Variants in DCPH1 observed in about 807,000 individuals in gnomAD.
The protein encoded by DCPH1 is damage-control phosphatase 1.
the DCPH1 span, chr6:151,454,636 T>A: frequency 6.5e-7 from 1 of 1,541,572 alleles, no homozygotes; most frequent in Non-Finnish European, 8.9e-7. Context: ...AAGTGAATTT[T>A]TTGAGAAACA....
chr6:151,461,462 G>A, the DCPH1 span, among the ~76,000 whole-genome samples: 1 of 152,328 alleles, frequency 6.6e-6, no homozygotes, highest in Admixed American at 6.5e-5. Flanking sequence ...CCCGAGGTCA[G>A]GAGTGTGAGA....
At chr6:151,464,672 T>C in the DCPH1 span, 1 of 1,153,102 alleles carries the variant, frequency 8.7e-7, no homozygotes, top group Non-Finnish European at 1.2e-6. Context: ...GAAAATAAAC[T>C]GCTATACAGT....
the DCPH1 span, among the ~76,000 whole-genome samples, chr6:151,453,202 G>A: frequency 1.3e-5 from 2 of 152,216 alleles, 1 homozygote; most frequent in South Asian, 4.1e-4. Flanking sequence ...GCCCCAAATT[G>A]AGGCAGTCAC....
chr6:151,465,497 A>G, the DCPH1 span, among the ~76,000 whole-genome samples: 137 of 152,244 alleles, frequency 9.0e-4, 1 homozygote, highest in Non-Finnish European at 1.4e-3. Context: ...TGCGGAGTAC[A>G]TGGAGAGGTG....
chr6:151,456,384 G>T, the DCPH1 span, among the ~76,000 whole-genome samples: 11 of 152,166 alleles, frequency 7.2e-5, no homozygotes, highest in Non-Finnish European at 1.2e-4. Flanking sequence ...TGAGTGTAAT[G>T]TTCTACTTCT....
the DCPH1 span, chr6:151,452,801 G>T: frequency 2.0e-4 from 110 of 547,680 alleles, 1 homozygote; most frequent in African/African-American, 1.9e-3. Context: ...GCGGCTGCTC[G>T]TAAGGATCAG....
chr6:151,469,253 T>G, the DCPH1 span: 8 of 597,424 alleles, frequency 1.3e-5, 1 homozygote, highest in Non-Finnish European at 2.2e-5. Flanking sequence ...CTACGTGCAC[T>G]GGATGATTTT....
At chr6:151,454,707 T>G in the DCPH1 span, 1 of 860,574 alleles carries the variant, frequency 1.2e-6, no homozygotes, top group Non-Finnish European at 1.9e-6. Context: ...AGAAACATAA[T>G]AAATAGTTCT....
At chr6:151,454,529 G>C in the DCPH1 span, 2 of 1,157,314 alleles carry the variant, frequency 1.7e-6, no homozygotes, top group Non-Finnish European at 2.6e-6. Context: ...GTTATATATT[G>C]CATGTGACTC....
the DCPH1 span, chr6:151,464,553 T>C: frequency 6.2e-7 from 1 of 1,612,342 alleles, no homozygotes; most frequent in East Asian, 2.2e-5. Context: ...CCTGCAACAA[T>C]TGATAAGAAC....
At chr6:151,464,853 T>C in the DCPH1 span, among the ~76,000 whole-genome samples, 1 of 152,248 alleles carries the variant, frequency 6.6e-6, no homozygotes, top group Non-Finnish European at 1.5e-5. Context: ...GCTTCTGTCA[T>C]ACTTGAGAGA....
chr6:151,469,095 C>T, the DCPH1 span: 39 of 1,609,422 alleles, frequency 2.4e-5, no homozygotes, highest in East Asian at 4.5e-5. Context: ...TATTTCAGTA[C>T]GATGGTCCCC....
chr6:151,465,681 G>A, the DCPH1 span, among the ~76,000 whole-genome samples: 3 of 152,160 alleles, frequency 2.0e-5, no homozygotes, highest in Non-Finnish European at 4.4e-5. Context: ...AGAATAGACT[G>A]CAGGGGCTGA....
At chr6:151,454,719 G>C in the DCPH1 span, 1 of 770,936 alleles carries the variant, frequency 1.3e-6, no homozygotes, top group Non-Finnish European at 2.2e-6. Context: ...AATAGTTCTT[G>C]AAGGTATCAA....
At chr6:151,464,434 T>G in the DCPH1 span, 501 of 1,581,226 alleles carry the variant, frequency 3.2e-4, 8 homozygotes, top group South Asian at 5.4e-3. Flanking sequence ...TGTTTCACTT[T>G]GTTTTTCTCC....
the DCPH1 span, chr6:151,454,573 G>A: frequency 6.4e-7 from 1 of 1,555,120 alleles, no homozygotes; most frequent in South Asian, 1.1e-5. Context: ...TACAATTAAA[G>A]ACAGAATACC....
At chr6:151,462,646 CTT>C in the DCPH1 span, among the ~76,000 whole-genome samples, 2 of 152,146 alleles carry the variant, frequency 1.3e-5, no homozygotes, top group Non-Finnish European at 2.9e-5. Flanking sequence ...CATTCTGACA[CTT>C]TTTTGCTGAA....
the DCPH1 span, among the ~76,000 whole-genome samples, chr6:151,467,335 A>G: frequency 6.6e-6 from 1 of 151,696 alleles, no homozygotes; most frequent in Non-Finnish European, 1.5e-5. Context: ...AAGGTGGCTC[A>G]TGCTTATAAT....
the DCPH1 span, among the ~76,000 whole-genome samples, chr6:151,453,863 T>G: frequency 1.3e-5 from 2 of 152,224 alleles, no homozygotes; most frequent in Non-Finnish European, 2.9e-5. Flanking sequence ...AATGCAGGTA[T>G]AAGTTTTTCT....
Sources: allele counts gnomAD v4.1 joint callset (sites outside exome capture counted in the v4.1 genomes callset), GRCh38; gene constraint gnomAD v4.1.1; transcripts MANE v1.5; gene names NCBI Gene and HGNC (gene_info 2026-07-23, HGNC 2026-07-21).